The following RNF141 variants were observed in gnomAD, a reference collection of about 807,000 sequenced individuals.
RNF141 encodes C3HC4-like zinc finger protein.
A neutral mutation model predicts 27.4 loss-of-function variants in RNF141; 18 were observed. That is an observed-to-expected ratio of 0.66 (90% CI 0.45 to 0.97). The LOEUF is 0.97. Ranked by LOEUF, RNF141 falls within the 50% of genes least tolerant of loss-of-function variation. The pLI is 0.00. For synonymous variants in RNF141, 97 were observed against 96.6 expected (o/e 1.00, Z -0.02); for missense variants, 230 against 279.4 (o/e 0.82, Z 1.26).
chr11:10,524,516 T>A (rs1849915555), intron 4 of RNF141, among the ~76,000 whole-genome samples: 1 of 152,248 alleles, frequency 6.6e-6, no homozygotes, highest in Admixed American at 6.5e-5. Context: ...TGTCAACATG[T>A]TTGGACCCAT....
intron 5 of RNF141, 89 bp from the exon 6 acceptor site, chr11:10,515,155 A>C: frequency 7.4e-7 from 1 of 1,342,646 alleles, no homozygotes; most frequent in East Asian, 2.5e-5. Context: ...ATGGCTTTTA[A>C]AAAGGAAATA....
At chr11:10,517,645 A>T (rs1849853244) in intron 5 of RNF141, 1 of 152,176 alleles carries the variant, frequency 6.6e-6, no homozygotes, top group South Asian at 2.1e-4. Context: ...CCTACAGAGG[A>T]AAAAAGGATG....
chr11:10,534,913 A>C (rs1850021006), intron 1 of RNF141, among the ~76,000 whole-genome samples: 1 of 151,952 alleles, frequency 6.6e-6, no homozygotes, highest in East Asian at 1.9e-4. Flanking sequence ...GGCTTGAAAA[A>C]CCTAAGAAAA....
Position 10,519,118 on chromosome 11 carries a change from T to TC in RNF141, c.457dup (p.Glu153GlyfsTer12). On this transcript the variant is annotated frameshift_variant, in exon 5 of 6. Transcript: ENST00000265981. LOFTEE classifies it high-confidence loss of function. ...CCCATCCATACAGATACAACACTCC[T>TC]CCTCATCGGTCAGCTGCTTCACCCT... The TC allele has an allele frequency of 6.2e-7, 1 of 1,613,944 alleles. No homozygotes were observed. Among genetic ancestry groups the TC allele is most frequent in the Admixed American group, 1.7e-5 (1 of 60,000 alleles).
Position 10,541,183 on chromosome 11 carries a change from G to C in RNF141, c.-109C>G, listed in dbSNP as rs891943366. 1 of 152,328 alleles carries C rather than the reference G, an allele frequency of 6.6e-6. No homozygotes were observed. Among genetic ancestry groups the C allele is most frequent in the Admixed American group, 6.5e-5 (1 of 15,288 alleles). 9.4% of individuals were successfully genotyped at this position (152,328 alleles called of 1,614,324 possible). A position where few individuals can be genotyped will look rare whatever the true frequency, so the allele number is the denominator to read the frequency against. ...CTGCGCTGCCTCAGCCCACAGCTCA[G>C]ACCTGCGGGTGGCCGCGACTCAGGC... On this transcript the variant is annotated 5_prime_UTR_variant, in exon 1 of 6. Coordinates refer to ENST00000265981, the MANE Select transcript of RNF141 (RefSeq NM_016422.4).
rs532951325 is a variant in RNF141 at position 10,524,297 on chromosome 11, C to T, written c.434+895G>A. ...GGGCGTGGTGGCGGGCGCCTGTAGT[C>T]CCAGCTACTTGGGAGGCTGAGGCAG... On this transcript the variant is annotated intron_variant, in intron 4 of 5. Transcript: ENST00000265981. 3.3e-5 allele frequency among the ~76,000 whole-genome samples: 5 copies of T among 152,242 alleles called. 1 individual carries two copies. In the South Asian group the frequency reaches 1.0e-3, roughly 32 times the overall value.
chr11:10,517,956 G>A (rs1164743912), intron 5 of RNF141, among the ~76,000 whole-genome samples: 1 of 152,008 alleles, frequency 6.6e-6, no homozygotes, highest in African/African-American at 2.4e-5. Flanking sequence ...ATAAAACTAT[G>A]AAATACTTGG....
At chr11:10,534,793 C>T (rs1425768268) in intron 1 of RNF141, among the ~76,000 whole-genome samples, 2 of 152,074 alleles carry the variant, frequency 1.3e-5, no homozygotes, top group African/African-American at 4.8e-5. Context: ...TCCACTATGA[C>T]ATACTGGCTC....
In RNF141 at chr11:10,514,988, T is replaced by C. The variant is rs1849832127; in HGVS notation, c.621A>G (p.Ala207=). 3 of 1,613,902 alleles carry C rather than the reference T, an allele frequency of 1.9e-6. No individual in the cohort carries two copies. The highest frequency in any genetic ancestry group is 1.3e-5 in the African/African-American group (1 of 74,920). The change falls in exon 6 of 6, where the codon GCA becomes GCG. Residue 207 remains alanine (A), a synonymous_variant. Transcript: ENST00000265981. The part of the protein sequence containing the change: ...GANESWVVSD[A]PTEDDMANYI... ...AGTTAGCCATATCATCTTCAGTGGG[T>C]GCATCTGATACCACCCAAGATTCAT...
chr11:10,525,751 AC>A (rs1849927623), intron 3 of RNF141, among the ~76,000 whole-genome samples: 1 of 152,190 alleles, frequency 6.6e-6, no homozygotes, highest in Non-Finnish European at 1.5e-5. Context: ...GACTCCAACA[AC>A]CGCATGAGAT....
chr11:10,529,055 G>A (rs933234761), intron 3 of RNF141, among the ~76,000 whole-genome samples: 2 of 152,130 alleles, frequency 1.3e-5, no homozygotes, highest in Admixed American at 6.5e-5. Flanking sequence ...AAAAGGTGTG[G>A]CAGAAACTAC....
Position 10,514,736 on chromosome 11 carries a change from C to A in RNF141, c.*180G>T. 1.5e-5 allele frequency: 8 copies of A among 528,560 alleles called. No individual in the cohort carries two copies. Among genetic ancestry groups the A allele is most frequent in the South Asian group, 4.3e-5 (1 of 23,510 alleles). The allele number at this position is 528,560 out of a possible 1,614,324, so 32.7% of individuals were successfully genotyped here. ...CTAAAACAGTAGCAAATTTTAGTAC[C>A]ACAAATGGAAGACATGGGAAGTTTA... On this transcript the variant is annotated 3_prime_UTR_variant, in exon 6 of 6. Transcript: ENST00000265981.
intron 5 of RNF141, chr11:10,517,630 C>T (rs1460303262): frequency 6.6e-6 from 1 of 151,978 alleles, no homozygotes; most frequent in Non-Finnish European, 1.5e-5. Context: ...AAAAATGGCA[C>T]ATTACCTACA....
At chr11:10,540,543 A>T (rs557991418) in intron 1 of RNF141, among the ~76,000 whole-genome samples, 7 of 152,356 alleles carry the variant, frequency 4.6e-5, no homozygotes, top group African/African-American at 1.7e-4. Flanking sequence ...GGTAGCAGCT[A>T]GTTTGACAAG....
intron 3 of RNF141, among the ~76,000 whole-genome samples, chr11:10,526,172 G>A (rs1370189204): frequency 1.3e-5 from 2 of 152,144 alleles, no homozygotes; most frequent in South Asian, 2.1e-4. Flanking sequence ...TTCAGCACAA[G>A]ACATAGGATG....
At chr11:10,524,526 T>C (rs759147605) in intron 4 of RNF141, among the ~76,000 whole-genome samples, 7 of 152,240 alleles carry the variant, frequency 4.6e-5, no homozygotes, top group Non-Finnish European at 1.0e-4. Flanking sequence ...TTTGGACCCA[T>C]GTAAATCTTT....
At chr11:10,517,182 GATA>G (rs1374935129) in intron 5 of RNF141, 1 of 151,860 alleles carries the variant, frequency 6.6e-6, no homozygotes, top group Non-Finnish European at 1.5e-5. Context: ...AGACATGAAA[GATA>G]ATAAAAACCC....
In RNF141 at chr11:10,514,855, T is replaced by A; in HGVS notation, c.*61A>T. 1 of 1,519,794 alleles carries A rather than the reference T, an allele frequency of 6.6e-7. No individual in the cohort carries two copies. The highest frequency in any genetic ancestry group is 8.9e-7 in the Non-Finnish European group (1 of 1,125,344). 94.1% of individuals were successfully genotyped at this position (1,519,794 alleles called of 1,614,324 possible). ...TCTGTGCCAGTGCCACAACCCTACA[T>A]TCTTCCCCCATGACCAAATATTTGA... On this transcript the variant is annotated 3_prime_UTR_variant, in exon 6 of 6. Coordinates refer to ENST00000265981, the MANE Select transcript of RNF141 (RefSeq NM_016422.4).
In RNF141 at chr11:10,512,969, G is replaced by T. The variant is rs1202054207; in HGVS notation, c.*1947C>A. ...ATGTGTGTATGCACACGTGTTTAAA[G>T]GTTCTGTAAGATTTTCCTTGAAAAA... is the stretch of plus-strand genomic sequence containing the variant. On this transcript the variant is annotated 3_prime_UTR_variant, in exon 6 of 6. Transcript: ENST00000265981. 6.6e-6 allele frequency: 1 copy of T among 152,180 alleles called. No homozygotes were observed. The highest frequency in any genetic ancestry group is 1.5e-5 in the Non-Finnish European group (1 of 68,038). The allele number at this position is 152,180 out of a possible 1,614,324, so 9.4% of individuals were successfully genotyped here.
Sources: gnomAD v4.1 joint callset for allele counts (sites outside exome capture counted in the v4.1 genomes callset) on GRCh38, gnomAD v4.1.1 for gene constraint, MANE v1.5 for transcripts, NCBI Gene and HGNC (gene_info 2026-07-23, HGNC 2026-07-21) for gene names.